Variants in MGMT observed in about 807,000 individuals in gnomAD.
The protein encoded by MGMT is methylated-DNA--protein-cysteine methyltransferase.
MGMT carries 14 observed loss-of-function variants against 15.9 expected under a neutral mutation model. That is an observed-to-expected ratio of 0.88 (90% CI 0.58 to 1.37). The LOEUF is 1.37. Ranked by LOEUF, MGMT falls within the 40% of genes most tolerant of loss-of-function variation. The pLI is 0.00. For missense variants in MGMT, 282 were observed against 268.1 expected (o/e 1.05, Z -0.36); for synonymous variants, 130 against 118.2 (o/e 1.10, Z -0.65).
At chr10:129,519,337 T>TA (rs1239242240) in intron 1 of MGMT, among the ~76,000 whole-genome samples, 3 of 152,204 alleles carry the variant, frequency 2.0e-5, no homozygotes, top group African/African-American at 7.2e-5. Context: ...AATTATTGTT[T>TA]AAAGAGTAAA....
chr10:129,733,929 T>A (rs1196235600), intron 3 of MGMT, among the ~76,000 whole-genome samples: 1 of 152,084 alleles, frequency 6.6e-6, no homozygotes, highest in African/African-American at 2.4e-5. Flanking sequence ...ATCTCTGTTT[T>A]GGTACCAGTA....
At chr10:129,589,653 C>A (rs1398624362) in intron 2 of MGMT, among the ~76,000 whole-genome samples, 1 of 152,218 alleles carries the variant, frequency 6.6e-6, no homozygotes, top group Non-Finnish European at 1.5e-5. Context: ...GCAATAGTGA[C>A]CCCCTATGGC....
chr10:129,675,580 C>T (rs1449376958), intron 2 of MGMT, among the ~76,000 whole-genome samples: 2 of 152,078 alleles, frequency 1.3e-5, no homozygotes, highest in South Asian at 4.1e-4. Flanking sequence ...CCAGGAGTGG[C>T]GGGAACAACG....
rs900025174 is a variant in MGMT at position 129,566,379 on chromosome 10, C to T, written c.125+30002C>T. Among the ~76,000 whole-genome samples, 1 of 152,182 alleles carries T rather than the reference C, an allele frequency of 6.6e-6. No homozygotes were observed. The highest frequency in any genetic ancestry group is 2.4e-5 in the African/African-American group (1 of 41,448). On this transcript the variant is annotated intron_variant, in intron 2 of 4. Coordinates refer to ENST00000651593, the MANE Select transcript of MGMT (RefSeq NM_002412.5). This position sits in a 1 kb window ranked among gnomAD's most constrained non-coding sequence, Gnocchi z 4.1. ...TTGCTCTGGCTCTGGGATTCCAAAC[C>T]AAGCTGCCTTCTCTGATGTGGCCTT...
chr10:129,571,744 T>C (rs1051031451), intron 2 of MGMT, among the ~76,000 whole-genome samples: 1 of 152,236 alleles, frequency 6.6e-6, no homozygotes, highest in African/African-American at 2.4e-5. Flanking sequence ...ATGTTATTTC[T>C]TTATATTAGA....
intron 2 of MGMT, among the ~76,000 whole-genome samples, chr10:129,564,704 T>TCCTCTC (rs1846332878): frequency 1.1e-5 from 1 of 87,444 alleles, no homozygotes; most frequent in Non-Finnish European, 2.6e-5. Flanking sequence ...TCCTTCCTCC[T>TCCTCTC]CTTCCTCCTC....
chr10:129,547,932 A>G (rs1846114939), intron 2 of MGMT, among the ~76,000 whole-genome samples: 2 of 152,222 alleles, frequency 1.3e-5, no homozygotes, highest in East Asian at 3.8e-4. Flanking sequence ...GTTCCCAAGA[A>G]GCTGATGTGT....
chr10:129,684,831 G>A (rs908849634), intron 2 of MGMT, among the ~76,000 whole-genome samples: 1 of 152,192 alleles, frequency 6.6e-6, no homozygotes, highest in Non-Finnish European at 1.5e-5. Flanking sequence ...ATAAATGTTA[G>A]GAATTCTTAG....
intron 3 of MGMT, among the ~76,000 whole-genome samples, chr10:129,712,808 C>T (rs4750766): frequency 0.38 from 58,349 of 151,928 alleles, 11,656 homozygotes; most frequent in East Asian, 0.54. Flanking sequence ...AGCAAAGGCT[C>T]ATCCAGCCCC....
rs1426553603 is a variant in MGMT, at chr10:129,566,721, A to G, written c.125+30344A>G. Among the ~76,000 whole-genome samples the G allele has an allele frequency of 6.6e-6, 1 of 150,752 alleles. No individual in the cohort carries two copies. Among genetic ancestry groups the G allele is most frequent in the Non-Finnish European group, 1.5e-5 (1 of 67,582 alleles). On this transcript the variant is annotated intron_variant, in intron 2 of 4. Transcript: ENST00000651593. The surrounding 1 kb of genome is among the most constrained non-coding windows in gnomAD (Gnocchi z 4.1). Reference sequence around the variant, plus strand: ...TCAGGTGCCATAGGGAGGGTCTGGGACTTTTCTCTCGGAGGCCCCATGAAG... The same window carrying G: ...TCAGGTGCCATAGGGAGGGTCTGGGGCTTTTCTCTCGGAGGCCCCATGAAG...
At chr10:129,574,211 A>G (rs1846452795) in intron 2 of MGMT, among the ~76,000 whole-genome samples, 2 of 152,152 alleles carry the variant, frequency 1.3e-5, no homozygotes, top group Non-Finnish European at 2.9e-5. Context: ...CCTTTTGGGG[A>G]AAAAACTATC....
chr10:129,470,951 T>C lies in MGMT; in HGVS notation c.-13+3655T>C, dbSNP rs562170481. Among the ~76,000 whole-genome samples the C allele has an allele frequency of 5.4e-4, 83 of 152,294 alleles. 2 individuals are homozygous for C. In the South Asian group the frequency reaches 0.017, roughly 30 times the overall value. On this transcript the variant is annotated intron_variant, in intron 1 of 4. Coordinates refer to ENST00000651593, the MANE Select transcript of MGMT (RefSeq NM_002412.5). Reference sequence around the variant, plus strand: ...TGGTGAGAGTGCAATAAATGCCTGGTGTGTTCACTCTCCTACTCCTAAAAG... The same window carrying C: ...TGGTGAGAGTGCAATAAATGCCTGGCGTGTTCACTCTCCTACTCCTAAAAG...
chr10:129,645,470 C>T (rs763559284), intron 2 of MGMT, among the ~76,000 whole-genome samples: 17 of 152,284 alleles, frequency 1.1e-4, no homozygotes, highest in Middle Eastern at 6.8e-3. Context: ...GCCTCATCCA[C>T]GGTGAGGTTG....
At chr10:129,493,880 C>T (rs551319667) in intron 1 of MGMT, among the ~76,000 whole-genome samples, 8 of 152,332 alleles carry the variant, frequency 5.3e-5, no homozygotes, top group Admixed American at 2.0e-4. Flanking sequence ...ATAGACATCA[C>T]GTGCACACTT....
intron 2 of MGMT, among the ~76,000 whole-genome samples, chr10:129,627,147 A>G (rs117980109): frequency 0.026 from 3,916 of 152,300 alleles, 80 homozygotes; most frequent in South Asian, 0.061. Context: ...CTCAACTTGA[A>G]AGTGAGATAT....
chr10:129,529,442 C>A (rs921919001), intron 1 of MGMT, among the ~76,000 whole-genome samples: 2 of 152,144 alleles, frequency 1.3e-5, no homozygotes, highest in African/African-American at 4.8e-5. Flanking sequence ...TCACAATAGG[C>A]TTCACACTCC....
At chr10:129,506,951 C>T (rs1287803736) in intron 1 of MGMT, among the ~76,000 whole-genome samples, 4 of 133,616 alleles carry the variant, frequency 3.0e-5, no homozygotes, top group Non-Finnish European at 5.9e-5. Flanking sequence ...CTGAGCCCAT[C>T]TGAATAGGAT....
intron 1 of MGMT, among the ~76,000 whole-genome samples, chr10:129,530,996 C>G (rs1392543012): frequency 1.3e-5 from 2 of 152,254 alleles, no homozygotes; most frequent in Non-Finnish European, 2.9e-5. Context: ...CTCGTGCTAG[C>G]CTGGGTGTGG....
At chr10:129,530,087 G>C (rs1253237254) in intron 1 of MGMT, among the ~76,000 whole-genome samples, 2 of 151,816 alleles carry the variant, frequency 1.3e-5, no homozygotes, top group African/African-American at 4.8e-5. Flanking sequence ...TTTTTTAGTA[G>C]AGCTGGGGTT....
Sources: gnomAD v4.1 joint callset for allele counts (sites outside exome capture counted in the v4.1 genomes callset) on GRCh38, gnomAD v4.1.1 for gene constraint, Gnocchi (gnomAD v3.1) non-coding constraint, MANE v1.5 for transcripts, NCBI Gene and HGNC (gene_info 2026-07-23, HGNC 2026-07-21) for gene names.